Variants in SUPT3H observed in about 807,000 individuals in gnomAD.
The protein encoded by SUPT3H is transcription initiation protein SPT3 homolog.
In SUPT3H, 44 loss-of-function variants were observed where a neutral mutation model predicts 44.3. The observed-to-expected ratio is 0.99, with a 90% CI of 0.78 to 1.28. The LOEUF (loss-of-function observed/expected upper bound fraction) is 1.28, where lower values mean the gene tolerates loss of function less well. SUPT3H is among the 50% of genes most tolerant of loss of function. The probability of loss-of-function intolerance (pLI) is 0.00; values close to 1 mark genes in which losing one functional copy is unlikely to be tolerated. For missense variants in SUPT3H, 380 were observed against 387.1 expected (o/e 0.98, Z 0.15); for synonymous variants, 124 against 125.6 (o/e 0.99, Z 0.09).
chr6:45,059,421 A>G (rs976709289), intron 3 of SUPT3H, among the ~76,000 whole-genome samples: 1 of 152,174 alleles, frequency 6.6e-6, no homozygotes, highest in Non-Finnish European at 1.5e-5. Context: ...TAAACTAGGA[A>G]TTGAAGGAAT....
chr6:45,136,057 G>A (rs1285002320), intron 2 of SUPT3H, among the ~76,000 whole-genome samples: 3 of 152,046 alleles, frequency 2.0e-5, no homozygotes, highest in Admixed American at 6.6e-5. Context: ...TGAATCCAAT[G>A]GAAAATAAGA....
chr6:44,836,199 G>A (rs1769843070), intron 10 of SUPT3H, among the ~76,000 whole-genome samples: 1 of 151,974 alleles, frequency 6.6e-6, no homozygotes, highest in African/African-American at 2.4e-5. Flanking sequence ...ATACAAATAG[G>A]CACATCTTGT....
chr6:45,079,104 A>T (rs1562413193), intron 3 of SUPT3H, among the ~76,000 whole-genome samples: 1 of 152,066 alleles, frequency 6.6e-6, no homozygotes, highest in Non-Finnish European at 1.5e-5. Flanking sequence ...AGGTAAGGAG[A>T]TCGAGACCAT....
chr6:45,338,941 A>T (rs935499550), intron 2 of SUPT3H, among the ~76,000 whole-genome samples: 6 of 152,168 alleles, frequency 3.9e-5, no homozygotes, highest in Non-Finnish European at 8.8e-5. Context: ...CTGAAGACAC[A>T]TAAGTATAAA....
chr6:45,160,712 T>C (rs1169578597), intron 2 of SUPT3H, among the ~76,000 whole-genome samples: 1 of 152,006 alleles, frequency 6.6e-6, no homozygotes, highest in African/African-American at 2.4e-5. Context: ...GTAAAACTAC[T>C]CATAGACACA....
chr6:45,009,713 C>A (rs1330497541), intron 5 of SUPT3H, among the ~76,000 whole-genome samples: 1 of 152,098 alleles, frequency 6.6e-6, no homozygotes, highest in African/African-American at 2.4e-5. Context: ...ATTACTGTAG[C>A]TTTATGGTAA....
intron 3 of SUPT3H, among the ~76,000 whole-genome samples, chr6:45,025,405 C>T (rs768114529): frequency 2.0e-5 from 3 of 152,166 alleles, no homozygotes; most frequent in African/African-American, 4.8e-5. Context: ...TGACCCTGAA[C>T]AGGCAATTTA....
chr6:44,889,072 C>A (rs1194615994), intron 10 of SUPT3H, among the ~76,000 whole-genome samples: 1 of 151,102 alleles, frequency 6.6e-6, no homozygotes, highest in Non-Finnish European at 1.5e-5. Context: ...ATGTGAAGGA[C>A]CTCTTCAAGG....
intron 2 of SUPT3H, among the ~76,000 whole-genome samples, chr6:45,364,280 T>A (rs902737453): frequency 2.6e-5 from 4 of 152,150 alleles, no homozygotes; most frequent in African/African-American, 9.7e-5. Context: ...TTGTATAAAG[T>A]AAGTTGATCA....
chr6:45,062,001 A>G (rs1427185876), intron 3 of SUPT3H, among the ~76,000 whole-genome samples: 1 of 151,042 alleles, frequency 6.6e-6, no homozygotes, highest in Non-Finnish European at 1.5e-5. Flanking sequence ...CACTATTAAA[A>G]TTAGTGTTAT....
intron 2 of SUPT3H, among the ~76,000 whole-genome samples, chr6:45,238,291 C>T (rs1186864346): frequency 6.6e-6 from 1 of 152,198 alleles, no homozygotes; most frequent in Non-Finnish European, 1.5e-5. Context: ...CTACTCCTTA[C>T]TCCTACTTGG....
chr6:45,164,631 CA>C (rs2153602829), intron 2 of SUPT3H, among the ~76,000 whole-genome samples: 1 of 152,198 alleles, frequency 6.6e-6, no homozygotes, highest in Non-Finnish European at 1.5e-5. Context: ...CAGTACTTCT[CA>C]AAGTTTCCAC....
At position 44,877,468 on chromosome 6, in the gene SUPT3H, C is replaced by CAAAA. The variant is rs5875897; in HGVS notation, c.913-47615_913-47612dup. On this transcript the variant is annotated intron_variant, in intron 10 of 10. Coordinates refer to ENST00000371459, the MANE Select transcript of SUPT3H (RefSeq NM_003599.4). ...TTGGTGACAGAGTGAGACTCAGTCT[C>CAAAA]AAAAAAAAAAAAAAAAAAATCCCAG... Among the ~76,000 whole-genome samples the CAAAA allele has an allele frequency of 2.3e-4, 28 of 122,464 alleles. No homozygotes were observed. In the South Asian group the frequency reaches 7.1e-3, roughly 31 times the overall value. 80.3% of individuals were successfully genotyped at this position (122,464 alleles called of 152,430 possible).
At chr6:45,078,297 C>T (rs371756791) in intron 3 of SUPT3H, among the ~76,000 whole-genome samples, 13 of 152,258 alleles carry the variant, frequency 8.5e-5, no homozygotes, top group East Asian at 3.9e-4. Context: ...AAAATACTCT[C>T]GACTTTTCCA....
intron 2 of SUPT3H, among the ~76,000 whole-genome samples, chr6:45,335,889 A>G (rs1788447803): frequency 6.6e-6 from 1 of 151,336 alleles, no homozygotes; most frequent in African/African-American, 2.4e-5. Context: ...CAAAATGCAG[A>G]AAAACTTGCT....
At chr6:45,291,813 TA>T (rs2149867918) in intron 2 of SUPT3H, among the ~76,000 whole-genome samples, 1 of 152,218 alleles carries the variant, frequency 6.6e-6, no homozygotes, top group Non-Finnish European at 1.5e-5. Context: ...AATCTAAGAA[TA>T]ATCGGTGTCC....
intron 3 of SUPT3H, chr6:45,097,612 C>G (rs1797970906): frequency 6.6e-6 from 1 of 152,216 alleles, no homozygotes; most frequent in Non-Finnish European, 1.5e-5. Flanking sequence ...GTTACAATTA[C>G]AGGTGACTGT....
chr6:45,361,919 C>T (rs1852985), intron 2 of SUPT3H, among the ~76,000 whole-genome samples: 23,709 of 152,102 alleles, frequency 0.16, 2,071 homozygotes, highest in East Asian at 0.26. Context: ...GGCGTGGTAG[C>T]GCATGCCTGT....
intron 3 of SUPT3H, among the ~76,000 whole-genome samples, chr6:45,094,460 A>G (rs1797537628): frequency 6.6e-6 from 1 of 152,180 alleles, no homozygotes; most frequent in Admixed American, 6.5e-5. Flanking sequence ...ACTGAAGTAA[A>G]GACTGCTTTT....
Sources: allele counts gnomAD v4.1 joint callset (sites outside exome capture counted in the v4.1 genomes callset), GRCh38; gene constraint gnomAD v4.1.1; transcripts MANE v1.5; gene names NCBI Gene and HGNC (gene_info 2026-07-23, HGNC 2026-07-21).